The following CTXND1 variants were observed in gnomAD, a reference collection of about 807,000 sequenced individuals.
CTXND1 encodes the protein cortexin domain-containing 1 protein.
chr15:80,241,686 G>A (rs899323267), intron 1 of CTXND1, among the ~76,000 whole-genome samples: 3 of 152,188 alleles, frequency 2.0e-5, no homozygotes, highest in Non-Finnish European at 4.4e-5. Flanking sequence ...CTGAGATGAT[G>A]GAACGGGGCC....
At chr15:80,203,174 C>T (rs189719556) in intron 2 of CTXND1, among the ~76,000 whole-genome samples, 31 of 152,236 alleles carry the variant, frequency 2.0e-4, no homozygotes, top group African/African-American at 6.7e-4. Context: ...GGAGGAGGGC[C>T]GGCTGCTGCT....
rs1024307609 is a variant in CTXND1, at chr15:80,245,244, C to A, written c.-218+6763G>T. On this transcript the variant is annotated intron_variant, in intron 1 of 2. Transcript: ENST00000560778. Reference sequence around the variant, plus strand: ...CTCTCAGCGCTGCAGGCATCAAGACCTCTAGGTTCTGCCCCAACCAGCCTC... The same window carrying A: ...CTCTCAGCGCTGCAGGCATCAAGACATCTAGGTTCTGCCCCAACCAGCCTC... Among the ~76,000 whole-genome samples the A allele has an allele frequency of 7.2e-5, 11 of 152,202 alleles. 1 individual carries two copies. The highest frequency in any genetic ancestry group is 2.7e-4 in the African/African-American group (11 of 41,442).
chr15:80,219,191 T>C (rs2142128969), intron 1 of CTXND1, among the ~76,000 whole-genome samples: 1 of 151,816 alleles, frequency 6.6e-6, no homozygotes, highest in East Asian at 1.9e-4. Context: ...GCAATCCTCC[T>C]ACCTCGGCCT....
intron 1 of CTXND1, among the ~76,000 whole-genome samples, chr15:80,235,351 G>C (rs1373152808): frequency 6.6e-6 from 1 of 152,190 alleles, no homozygotes; most frequent in African/African-American, 2.4e-5. Flanking sequence ...AAGAGATGCA[G>C]GTCAAGTGCC....
intron 1 of CTXND1, among the ~76,000 whole-genome samples, chr15:80,237,443 G>A (rs1410544393): frequency 6.6e-6 from 1 of 152,068 alleles, no homozygotes; most frequent in Non-Finnish European, 1.5e-5. Flanking sequence ...GTTATCTTAG[G>A]AGATGGCAGC....
At chr15:80,217,165 A>G (rs1253040225) in intron 1 of CTXND1, among the ~76,000 whole-genome samples, 1 of 152,182 alleles carries the variant, frequency 6.6e-6, no homozygotes, top group African/African-American at 2.4e-5. Context: ...GCCAATTGCA[A>G]GCTGAACCTC....
At chr15:80,213,053 C>A (rs1245404771) in intron 1 of CTXND1, among the ~76,000 whole-genome samples, 1 of 149,374 alleles carries the variant, frequency 6.7e-6, no homozygotes, top group African/African-American at 2.5e-5. Flanking sequence ...CTGTTTTTTT[C>A]TCTTTTGAAA....
chr15:80,234,072 C>A (rs1189134886), intron 1 of CTXND1, among the ~76,000 whole-genome samples: 3 of 152,180 alleles, frequency 2.0e-5, no homozygotes, highest in Admixed American at 6.5e-5. Context: ...GTGAGTGAGC[C>A]TGGGTCTTCT....
rs1893361926 is a variant in CTXND1 at position 80,225,451 on chromosome 15, T to C, written c.-217-21711A>G. Among the ~76,000 whole-genome samples, 5 of 152,278 alleles carry C rather than the reference T, an allele frequency of 3.3e-5. No homozygotes were observed. In the South Asian group the frequency reaches 1.0e-3, roughly 32 times the overall value. On this transcript the variant is annotated intron_variant, in intron 1 of 2. Coordinates refer to ENST00000560778, the MANE Select transcript of CTXND1 (RefSeq NM_001352888.2). ...CCCTTTTTTCCCCACCATTTCCTTGTGTCTGTCTTTCTGGTTTTATTATAC... is the reference window on the plus strand; with the variant it reads ...CCCTTTTTTCCCCACCATTTCCTTGCGTCTGTCTTTCTGGTTTTATTATAC...
intron 1 of CTXND1, among the ~76,000 whole-genome samples, chr15:80,234,559 C>T (rs1044208412): frequency 2.0e-5 from 3 of 150,724 alleles, no homozygotes; most frequent in African/African-American, 2.4e-5. Context: ...CTCACTGCAA[C>T]GTCTACCTCC....
intron 1 of CTXND1, among the ~76,000 whole-genome samples, chr15:80,230,264 C>T (rs943560929): frequency 1.3e-4 from 20 of 152,198 alleles, no homozygotes; most frequent in South Asian, 6.2e-4. Context: ...CTAAATGCCT[C>T]TTGGAAGGCG....
chr15:80,223,007 C>G (rs1893333790), intron 1 of CTXND1, among the ~76,000 whole-genome samples: 1 of 152,190 alleles, frequency 6.6e-6, no homozygotes, highest in South Asian at 2.1e-4. Flanking sequence ...TGGAATCATA[C>G]AGAATGTTTT....
At chr15:80,226,908 A>G (rs1893378226) in intron 1 of CTXND1, among the ~76,000 whole-genome samples, 1 of 152,204 alleles carries the variant, frequency 6.6e-6, no homozygotes, top group Non-Finnish European at 1.5e-5. Flanking sequence ...TAAAGAGTGA[A>G]GAGAAGGAAA....
At chr15:80,251,805 G>A (rs867416115) in intron 1 of CTXND1, among the ~76,000 whole-genome samples, 1 of 152,014 alleles carries the variant, frequency 6.6e-6, no homozygotes, top group Non-Finnish European at 1.5e-5. Context: ...CGCCCCGGGC[G>A]CAGTGCCGCC....
At chr15:80,225,241 A>G (rs1196805890) in intron 1 of CTXND1, among the ~76,000 whole-genome samples, 1 of 152,346 alleles carries the variant, frequency 6.6e-6, no homozygotes, top group African/African-American at 2.4e-5. Flanking sequence ...GTTGGCAACA[A>G]ATATATTATT....
rs2041438865 is a variant in CTXND1 at position 80,199,684 on chromosome 15, G to A, written c.*2086C>T. 6.6e-6 allele frequency: 1 copy of A among 152,350 alleles called. No homozygotes were observed. The highest frequency in any genetic ancestry group is 1.5e-5 in the Non-Finnish European group (1 of 68,156). The allele number at this position is 152,350 out of a possible 1,614,324, so 9.4% of individuals were successfully genotyped here. On this transcript the variant is annotated 3_prime_UTR_variant, in exon 3 of 3. Coordinates refer to ENST00000560778, the MANE Select transcript of CTXND1 (RefSeq NM_001352888.2). ...CCCTTCGTGCATTCCACAATAGTGG[G>A]GATAGGGGTGGGTAGGAGAGGGGTA... is the stretch of plus-strand genomic sequence containing the variant.
At position 80,219,078 on chromosome 15, in the gene CTXND1, C is replaced by T. The variant is rs1018497555; in HGVS notation, c.-217-15338G>A. Among the ~76,000 whole-genome samples the T allele has an allele frequency of 5.3e-5, 8 of 150,648 alleles. No individual in the cohort carries two copies. The South Asian group carries it at 6.3e-4, about 12-fold the overall frequency. On this transcript the variant is annotated intron_variant, in intron 1 of 2. Coordinates refer to ENST00000560778, the MANE Select transcript of CTXND1 (RefSeq NM_001352888.2). ...TCCGTAGTAGCTGGGACTACAGGTG[C>T]GCACTACCACTCCCAGCTAATTTTT...
chr15:80,223,318 A>G (rs1893337723), intron 1 of CTXND1, among the ~76,000 whole-genome samples: 1 of 152,224 alleles, frequency 6.6e-6, no homozygotes, highest in Admixed American at 6.5e-5. Context: ...CAGCCTCCCA[A>G]AGTGTTGGGA....
intron 1 of CTXND1, among the ~76,000 whole-genome samples, chr15:80,234,208 G>A (rs1893466211): frequency 6.6e-6 from 1 of 152,200 alleles, no homozygotes; most frequent in Non-Finnish European, 1.5e-5. Flanking sequence ...ATTGGGGGAA[G>A]GCTTTGGGGA....
Sources: allele counts gnomAD v4.1 joint callset (sites outside exome capture counted in the v4.1 genomes callset), GRCh38; gene constraint gnomAD v4.1.1; transcripts MANE v1.5; gene names NCBI Gene and HGNC (gene_info 2026-07-23, HGNC 2026-07-21).